Variants in MTUS2 observed in about 807,000 individuals in gnomAD.
MTUS2 encodes the protein microtubule-associated tumor suppressor candidate 2.
Under a neutral mutation model 114.1 loss-of-function variants are expected in MTUS2, and 40 were observed. The ratio of observed to expected loss-of-function variants is 0.35; its 90% CI spans 0.27 to 0.46. MTUS2 has a LOEUF of 0.46. Ranked by LOEUF, MTUS2 falls within the 20% of genes least tolerant of loss-of-function variation. The pLI, the probability that MTUS2 is intolerant of heterozygous loss-of-function variation, is 1.00. For synonymous variants in MTUS2, 688 were observed against 672.0 expected (o/e 1.02, Z -0.37); for missense variants, 1,679 against 1,705.4 (o/e 0.98, Z 0.27).
chr13:29,317,880 A>G (rs1328900078), intron 6 of MTUS2, among the ~76,000 whole-genome samples: 1 of 152,222 alleles, frequency 6.6e-6, no homozygotes, highest in African/African-American at 2.4e-5. Context: ...TACAAATGGC[A>G]TCAGAATCTG....
intron 2 of MTUS2, among the ~76,000 whole-genome samples, chr13:28,907,100 A>G (rs1169659123): frequency 4.0e-5 from 6 of 151,450 alleles, no homozygotes; most frequent in Non-Finnish European, 7.4e-5. Context: ...CCAGTATTCA[A>G]CATTCTTAAA....
At chr13:29,282,666 A>T (rs1489171576) in intron 6 of MTUS2, among the ~76,000 whole-genome samples, 1 of 152,156 alleles carries the variant, frequency 6.6e-6, no homozygotes, top group Non-Finnish European at 1.5e-5. Flanking sequence ...GTTGAGCCCT[A>T]ATTCACCATA....
At chr13:28,916,139 C>T (rs1040597665) in intron 2 of MTUS2, among the ~76,000 whole-genome samples, 1 of 151,848 alleles carries the variant, frequency 6.6e-6, no homozygotes, top group African/African-American at 2.4e-5. Flanking sequence ...GTTCTCTATT[C>T]TATTCCATTG....
At chr13:29,012,775 G>C (rs1318069950) in intron 2 of MTUS2, among the ~76,000 whole-genome samples, 1 of 152,146 alleles carries the variant, frequency 6.6e-6, no homozygotes, top group Admixed American at 6.5e-5. Flanking sequence ...TCGGGAGGCT[G>C]AGGCAGGAGA....
chr13:29,114,874 T>C (rs564549118), intron 5 of MTUS2, among the ~76,000 whole-genome samples: 1 of 152,224 alleles, frequency 6.6e-6, no homozygotes, highest in Non-Finnish European at 1.5e-5. Context: ...ACTTCTGAAA[T>C]ACTGTTTAAA....
At chr13:28,950,137 A>G (rs751687289) in intron 2 of MTUS2, among the ~76,000 whole-genome samples, 4 of 152,178 alleles carry the variant, frequency 2.6e-5, no homozygotes, top group African/African-American at 7.2e-5. Context: ...TTTTGATACT[A>G]GCCATCCTTA....
chr13:29,039,476 G>A (rs1458572282), intron 4 of MTUS2, among the ~76,000 whole-genome samples: 1 of 152,202 alleles, frequency 6.6e-6, no homozygotes, highest in Non-Finnish European at 1.5e-5. Context: ...CGCAGCTGCA[G>A]CGGGGGAGGG....
intron 8 of MTUS2, among the ~76,000 whole-genome samples, chr13:29,378,323 TG>T (rs1871913626): frequency 2.0e-5 from 3 of 152,214 alleles, no homozygotes; most frequent in African/African-American, 4.8e-5. Flanking sequence ...TTCATATGGT[TG>T]TTTTCTTATT....
intron 15 of MTUS2, among the ~76,000 whole-genome samples, 197 bp from the exon 16 acceptor site, chr13:29,502,796 A>G (rs569123944): frequency 6.6e-6 from 1 of 152,252 alleles, no homozygotes; most frequent in South Asian, 2.1e-4. Context: ...TTGGCCAGAG[A>G]GGCTCTGGGA....
At chr13:29,052,516 C>CT (rs1887949894) in intron 4 of MTUS2, among the ~76,000 whole-genome samples, 2 of 150,906 alleles carry the variant, frequency 1.3e-5, no homozygotes, top group Admixed American at 6.6e-5. Context: ...CAGCTAGCAG[C>CT]TAGAGGATAT....
intron 6 of MTUS2, among the ~76,000 whole-genome samples, chr13:29,310,478 AT>A (rs1443754412): frequency 6.6e-6 from 1 of 152,250 alleles, no homozygotes; most frequent in East Asian, 1.9e-4. Context: ...CTTGGAAAAA[AT>A]AGTGTAGATG....
intron 6 of MTUS2, chr13:29,307,466 G>T (rs1899527992): frequency 6.0e-6 from 8 of 1,332,744 alleles, no homozygotes; most frequent in South Asian, 4.8e-5. Context: ...AAGCTCACTG[G>T]CATGGCCTTC....
chr13:29,314,447 T>A (rs974582246), intron 6 of MTUS2, among the ~76,000 whole-genome samples: 3 of 152,106 alleles, frequency 2.0e-5, no homozygotes, highest in African/African-American at 7.2e-5. Flanking sequence ...TTAAACAAGG[T>A]GAACTGAATT....
intron 1 of MTUS2, among the ~76,000 whole-genome samples, chr13:28,833,304 A>G (rs996369866): frequency 1.3e-5 from 2 of 152,136 alleles, no homozygotes; most frequent in African/African-American, 4.8e-5. Context: ...AGATACAAAA[A>G]TCTGCAAGAA....
intron 5 of MTUS2, among the ~76,000 whole-genome samples, chr13:29,197,156 C>G (rs1483896297): frequency 6.6e-6 from 1 of 152,094 alleles, no homozygotes; most frequent in Non-Finnish European, 1.5e-5. Context: ...CACCCATCAA[C>G]CCATCATCTG....
Position 29,414,873 on chromosome 13 carries a change from G to A in MTUS2, c.3118-25110G>A, listed in dbSNP as rs981066107. Among the ~76,000 whole-genome samples, 63 of 151,644 alleles carry A rather than the reference G, an allele frequency of 4.2e-4. 1 individual carries two copies. The highest frequency in any genetic ancestry group is 9.7e-4 in the East Asian group (5 of 5,174). ...TGTTGTATTCTAGTTTTTTAACTAG[G>A]TATTTAAGTCATTTATTTACTTTTT... On this transcript the variant is annotated intron_variant, in intron 8 of 15. Transcript: ENST00000612955.
chr13:28,976,769 T>A (rs545238673), intron 2 of MTUS2, among the ~76,000 whole-genome samples: 1 of 152,322 alleles, frequency 6.6e-6, no homozygotes, highest in African/African-American at 2.4e-5. Context: ...GATCAGCTGT[T>A]AGGAAGCATC....
intron 5 of MTUS2, among the ~76,000 whole-genome samples, chr13:29,205,017 G>A (rs1433119231): frequency 6.6e-6 from 1 of 152,106 alleles, no homozygotes; most frequent in Non-Finnish European, 1.5e-5. Flanking sequence ...CATCAGAGGG[G>A]CCTAGCAGCT....
intron 6 of MTUS2, among the ~76,000 whole-genome samples, chr13:29,315,545 G>A (rs1899953071): frequency 1.3e-5 from 2 of 152,154 alleles, no homozygotes; most frequent in South Asian, 4.2e-4. Flanking sequence ...CTGTGCTGTG[G>A]CCACAGTGAT....
Sources: gnomAD v4.1 joint callset for allele counts (sites outside exome capture counted in the v4.1 genomes callset) on GRCh38, gnomAD v4.1.1 for gene constraint, MANE v1.5 for transcripts, NCBI Gene and HGNC (gene_info 2026-07-23, HGNC 2026-07-21) for gene names.